The following TCF7L1 variants were observed in gnomAD, a reference collection of about 807,000 sequenced individuals.
The protein encoded by TCF7L1 is transcription factor 7-like 1.
TCF7L1 carries 18 observed loss-of-function variants against 63.7 expected under a neutral mutation model. That is an observed-to-expected ratio of 0.28 (90% confidence interval 0.20 to 0.42). The LOEUF (loss-of-function observed/expected upper bound fraction) is 0.42, where lower values mean the gene tolerates loss of function less well. Ranked by LOEUF, TCF7L1 falls within the 10% of genes least tolerant of loss-of-function variation. TCF7L1 has a pLI of 1.00. For synonymous variants in TCF7L1, 355 were observed against 340.9 expected, an observed-to-expected ratio of 1.04 and a Z score of -0.46; for missense variants, 654 against 779.3, an observed-to-expected ratio of 0.84 and a Z score of 1.91.
chr2:85,278,686 C>T (rs987996766), intron 3 of TCF7L1, among the ~76,000 whole-genome samples: 5 of 152,204 alleles, frequency 3.3e-5, no homozygotes, highest in African/African-American at 1.2e-4. Context: ...AAACCACAGC[C>T]TCAGTCTACT....
chr2:85,308,446 T>TCCCTCCCTCG (rs1558663508), intron 11 of TCF7L1, among the ~76,000 whole-genome samples: 1 of 86,518 alleles, frequency 1.2e-5, no homozygotes, highest in African/African-American at 5.2e-5. Context: ...CCTCCCTTTC[T>TCCCTCCCTCG]CTTTCCCTCC....
chr2:85,178,218 A>T (rs1044360110), intron 3 of TCF7L1, among the ~76,000 whole-genome samples: 1 of 152,240 alleles, frequency 6.6e-6, no homozygotes, highest in Non-Finnish European at 1.5e-5. Context: ...GAAGAAAAAA[A>T]CACAGTGCCT....
At chr2:85,213,877 C>A (rs1208359981) in intron 3 of TCF7L1, among the ~76,000 whole-genome samples, 1 of 152,214 alleles carries the variant, frequency 6.6e-6, no homozygotes, top group East Asian at 1.9e-4. Flanking sequence ...CAACCCACTG[C>A]CCCCATATCT....
At chr2:85,262,401 A>G (rs1680879855) in intron 3 of TCF7L1, 1 of 388,908 alleles carries the variant, frequency 2.6e-6, no homozygotes, top group Non-Finnish European at 5.2e-6. Context: ...AGAAAAAAAA[A>G]AAAACTAAAA....
chr2:85,134,133 C>A lies in TCF7L1; in HGVS notation c.313+54C>A, dbSNP rs1677532258. The stretch of plus-strand genomic sequence containing the variant: ...TCTCGATTCCCGCTGCGCTCCGCTG[C>A]TCAGCCCGGGCGGCCCACCGTCCCC... On this transcript the variant is annotated intron_variant, in intron 2 of 11. Coordinates refer to ENST00000282111, the MANE Select transcript of TCF7L1 (RefSeq NM_031283.3). The surrounding 1 kb of genome is among the most constrained non-coding windows in gnomAD (Gnocchi z 5.0). The A allele has an allele frequency of 1.3e-6, 2 of 1,589,108 alleles. No individual in the cohort carries two copies. Among genetic ancestry groups the A allele is most frequent in the Non-Finnish European group, 8.6e-7 (1 of 1,166,886 alleles).
chr2:85,223,559 C>A (rs1679894827), intron 3 of TCF7L1, among the ~76,000 whole-genome samples: 1 of 151,946 alleles, frequency 6.6e-6, no homozygotes, highest in Non-Finnish European at 1.5e-5. Flanking sequence ...TGTCTGCTTC[C>A]CCAGGTGGAG....
chr2:85,134,041 G>C lies in TCF7L1; in HGVS notation c.275G>C (p.Arg92Pro), dbSNP rs763639217. Residue 92 changes from arginine (R) to proline (P), a missense_variant, in exon 2 of 12, where the codon CGG (arginine) becomes CCG (proline). Arg to Pro is a moderately radical substitution (Grantham distance 103, BLOSUM62 -2). This residue lies in a region of TCF7L1 where 404 missense variants were observed against 454.8 expected (regional missense o/e 0.89). Coordinates refer to ENST00000282111, the MANE Select transcript of TCF7L1 (RefSeq NM_031283.3). The surrounding 1 kb of genome is among the most constrained non-coding windows in gnomAD (Gnocchi z 5.0). ...SEAERRPQPV[R>P]DTFQKPRDYF... ...GCGGAGAGGCGCCCGCAGCCCGTCCGGGACACTTTCCAGAAGCCGCGGGAC... is the reference window on the plus strand; with the variant it reads ...GCGGAGAGGCGCCCGCAGCCCGTCCCGGACACTTTCCAGAAGCCGCGGGAC... 6.8e-6 allele frequency: 11 copies of C among 1,610,972 alleles called. No individual in the cohort carries two copies. Among genetic ancestry groups the C allele is most frequent in the Non-Finnish European group, 5.9e-6 (7 of 1,179,114 alleles).
intron 3 of TCF7L1, among the ~76,000 whole-genome samples, chr2:85,238,430 G>A (rs1178112794): frequency 3.3e-5 from 5 of 152,190 alleles, no homozygotes; most frequent in Admixed American, 3.3e-4. Context: ...CTCTTTTGGG[G>A]GGATTCAGAG....
chr2:85,236,498 CT>C (rs1163604880), intron 3 of TCF7L1, among the ~76,000 whole-genome samples: 1 of 152,134 alleles, frequency 6.6e-6, no homozygotes, highest in Non-Finnish European at 1.5e-5. Flanking sequence ...TGTGAACCCC[CT>C]GGTGTGTCCC....
chr2:85,250,532 G>T (rs1021823924), intron 3 of TCF7L1, among the ~76,000 whole-genome samples: 1 of 152,132 alleles, frequency 6.6e-6, no homozygotes, highest in Non-Finnish European at 1.5e-5. Flanking sequence ...CACCTCCCGG[G>T]TTCAAGCGAT....
chr2:85,154,084 G>A (rs1462329174), intron 3 of TCF7L1, among the ~76,000 whole-genome samples: 5 of 152,146 alleles, frequency 3.3e-5, no homozygotes, highest in African/African-American at 1.2e-4. Context: ...AAATAAAGCC[G>A]AGGTCTGTGC....
intron 3 of TCF7L1, among the ~76,000 whole-genome samples, chr2:85,155,460 C>T (rs964263483): frequency 6.6e-6 from 1 of 152,202 alleles, no homozygotes; most frequent in Non-Finnish European, 1.5e-5. Flanking sequence ...AGGTCCACAG[C>T]TTCATTCTTG....
At chr2:85,288,517 A>G (rs867586555) in intron 4 of TCF7L1, among the ~76,000 whole-genome samples, 5 of 152,228 alleles carry the variant, frequency 3.3e-5, no homozygotes, top group African/African-American at 1.2e-4. Context: ...AGATTATGAA[A>G]TGTATTTTAG....
intron 3 of TCF7L1, among the ~76,000 whole-genome samples, chr2:85,210,567 G>A (rs1464714623): frequency 6.6e-6 from 1 of 152,230 alleles, no homozygotes; most frequent in Admixed American, 6.5e-5. Flanking sequence ...GTCCAGGGGA[G>A]GAAGAGGTTT....
At chr2:85,197,294 C>A (rs1160702405) in intron 3 of TCF7L1, among the ~76,000 whole-genome samples, 1 of 152,068 alleles carries the variant, frequency 6.6e-6, no homozygotes, top group East Asian at 1.9e-4. Flanking sequence ...GCCTGTAATC[C>A]CAGCTATTTG....
chr2:85,295,950 G>A (rs1172644053), intron 4 of TCF7L1, among the ~76,000 whole-genome samples: 1 of 151,660 alleles, frequency 6.6e-6, no homozygotes, highest in Non-Finnish European at 1.5e-5. Flanking sequence ...GCTAATTTTT[G>A]TATTTTTAGT....
chr2:85,164,803 G>C (rs537659175), intron 3 of TCF7L1, among the ~76,000 whole-genome samples: 2 of 152,140 alleles, frequency 1.3e-5, no homozygotes, highest in African/African-American at 4.8e-5. Flanking sequence ...TGTATTTATA[G>C]GTACATGAAA....
At chr2:85,280,675 C>T (rs1229757939) in intron 3 of TCF7L1, among the ~76,000 whole-genome samples, 1 of 152,130 alleles carries the variant, frequency 6.6e-6, no homozygotes, top group East Asian at 1.9e-4. Context: ...ATTTTTAAAA[C>T]CAGAAATGTT....
Position 85,304,303 on chromosome 2 carries a change from T to C in TCF7L1, c.810T>C (p.Pro270=). 1.9e-6 allele frequency: 3 copies of C among 1,614,026 alleles called. No homozygotes were observed. The South Asian group carries it at 3.3e-5, about 18-fold the overall frequency. ...TTCCTCCCGGTGGCTTCCGGCACCC[T>C]TACCCCGCCCTCGCCATGAACGCCT... ...YSLPPGGFRH[P]YPALAMNASM... is the part of the protein sequence containing the mutation. Residue 270 remains proline (P), a synonymous_variant, in exon 7 of 12, where the codon CCT becomes CCC. Transcript: ENST00000282111.
Sources: allele counts gnomAD v4.1 joint callset (sites outside exome capture counted in the v4.1 genomes callset), GRCh38; gene constraint gnomAD v4.1.1; regional missense constraint gnomAD v4.1.1; non-coding constraint Gnocchi (gnomAD v3.1); transcripts MANE v1.5; gene names NCBI Gene and HGNC (gene_info 2026-07-23, HGNC 2026-07-21).